Variants in ZNF827 observed in about 807,000 individuals in gnomAD.
ZNF827 encodes the protein zinc finger protein 827.
A neutral mutation model predicts 102.4 loss-of-function variants in ZNF827; 13 were observed. The observed-to-expected ratio is 0.13, with a 90% CI of 0.08 to 0.20. The LOEUF (loss-of-function observed/expected upper bound fraction) is 0.20. Among genes scored for constraint, ZNF827 ranks in the 10% least tolerant of loss-of-function variants. The pLI is 1.00. For missense variants in ZNF827, 1,103 were observed against 1,344.4 expected (o/e 0.82, Z 2.81); for synonymous variants, 523 against 536.2 (o/e 0.98, Z 0.34).
chr4:145,765,755 T>G lies in ZNF827; in HGVS notation c.2861-17A>C. The G allele has an allele frequency of 6.2e-7, 1 of 1,610,010 alleles. No homozygotes were observed. The highest frequency in any genetic ancestry group is 8.5e-7 in the Non-Finnish European group (1 of 1,177,818). On this transcript the variant is annotated splice_polypyrimidine_tract_variant and intron_variant, in intron 11 of 14. Coordinates refer to ENST00000508784, the MANE Select transcript of ZNF827 (RefSeq NM_001306215.2). This position sits in a 1 kb window ranked among gnomAD's most constrained non-coding sequence, Gnocchi z 4.7. The stretch of plus-strand genomic sequence containing the variant: ...TGTCTTCCCCTGAAAAATAAGCAAA[T>G]AACCCAGTCTGTTAATGAGATGAAA...
chr4:145,769,964 T>C (rs75073779), intron 11 of ZNF827, among the ~76,000 whole-genome samples: 3,898 of 152,306 alleles, frequency 0.026, 97 homozygotes, highest in African/African-American at 0.064. Flanking sequence ...AAGTAAGCAC[T>C]TCTACTTTTA....
chr4:145,774,782 C>G (rs1736800803), intron 10 of ZNF827, 110 bp from the exon 11 acceptor site: 13 of 1,227,462 alleles, frequency 1.1e-5, no homozygotes, highest in Middle Eastern at 1.9e-4. Flanking sequence ...GAATTTGAAA[C>G]ACATTTGTCT....
At chr4:145,768,888 A>AAAT (rs1735762521) in intron 11 of ZNF827, among the ~76,000 whole-genome samples, 1 of 12,552 alleles carries the variant, frequency 8.0e-5, no homozygotes, top group Admixed American at 7.9e-4. Context: ...AAAAAAAAAA[A>AAAT]AAATATATAT....
Position 145,775,934 on chromosome 4 carries a change from A to G in ZNF827, c.2548T>C (p.Cys850Arg). ...TEERKYKCHL[C>R]PYAAKCRANL... ...GCACGGCACTTAGCAGCATAGGGGC[A>G]CAAGTGGCATTTGTATTTTCTTTCC... The change falls in exon 10 of 15, where the codon TGC (cysteine) becomes CGC (arginine). Residue 850 changes from cysteine (C) to arginine (R), a missense_variant. Physicochemically the swap from Cys to Arg is radical, Grantham distance 180. Transcript: ENST00000508784. 6.2e-7 allele frequency: 1 copy of G among 1,614,220 alleles called. No individual in the cohort carries two copies. Among genetic ancestry groups the G allele is most frequent in the East Asian group, 2.2e-5 (1 of 44,890 alleles).
intron 8 of ZNF827, among the ~76,000 whole-genome samples, chr4:145,791,422 G>T (rs1042083893): frequency 6.6e-6 from 1 of 152,134 alleles, no homozygotes; most frequent in African/African-American, 2.4e-5. Context: ...TTGAAATGGG[G>T]GGACATAAAC....
intron 7 of ZNF827, among the ~76,000 whole-genome samples, chr4:145,829,341 A>C (rs895579389): frequency 1.3e-5 from 2 of 152,228 alleles, no homozygotes; most frequent in Non-Finnish European, 2.9e-5. Flanking sequence ...ATCATCCTAA[A>C]GTGACAGTCT....
At chr4:145,808,604 T>C (rs1464618289) in intron 8 of ZNF827, among the ~76,000 whole-genome samples, 4 of 152,170 alleles carry the variant, frequency 2.6e-5, no homozygotes, top group African/African-American at 7.2e-5. Flanking sequence ...AGGTAGTAGG[T>C]ACAGATAAAC....
chr4:145,906,394 C>CTA (rs1751874166), intron 1 of ZNF827, among the ~76,000 whole-genome samples: 1 of 152,200 alleles, frequency 6.6e-6, no homozygotes, highest in African/African-American at 2.4e-5. Context: ...TTCCTGTACT[C>CTA]TAATCTCTTC....
chr4:145,810,173 TG>T (rs1351946222), intron 8 of ZNF827, among the ~76,000 whole-genome samples: 9 of 152,364 alleles, frequency 5.9e-5, no homozygotes, highest in Admixed American at 3.3e-4. Context: ...TTACAAATCA[TG>T]GAATCATACC....
At chr4:145,773,345 C>T (rs940951707) in intron 11 of ZNF827, among the ~76,000 whole-genome samples, 1 of 152,150 alleles carries the variant, frequency 6.6e-6, no homozygotes, top group South Asian at 2.1e-4. Flanking sequence ...AATTTACTGA[C>T]AAAAACAAGC....
chr4:145,864,055 G>A (rs944343132), intron 5 of ZNF827, among the ~76,000 whole-genome samples: 4 of 151,746 alleles, frequency 2.6e-5, no homozygotes, highest in African/African-American at 4.8e-5. Context: ...TCAGCCGGGC[G>A]CAGTGGCAGG....
chr4:145,849,695 G>T (rs898352323), intron 5 of ZNF827, 134 bp from the exon 6 acceptor site: 2 of 1,368,682 alleles, frequency 1.5e-6, no homozygotes, highest in African/African-American at 2.9e-5. Context: ...CGGCACACTG[G>T]ACCATAGTTT....
rs751746782 is a variant in ZNF827, at chr4:145,902,567, G to C, written c.692C>G (p.Thr231Ser). The change falls in exon 2 of 15, where the codon ACT becomes AGT. Residue 231 changes from threonine to serine, a missense_variant. By Grantham distance (58) the Thr-to-Ser change is moderately conservative (BLOSUM62 1). This residue lies in a region of ZNF827 where 441 missense variants were observed against 458.6 expected (regional missense o/e 0.96). Coordinates refer to ENST00000508784, the MANE Select transcript of ZNF827 (RefSeq NM_001306215.2). This position sits in a 1 kb window ranked among gnomAD's most constrained non-coding sequence, Gnocchi z 4.3. ...GGACTCAAATCGCATGGTCTCCTCA[G>C]TCCTGGTGAGAGATTTGTCCTGCAG... ...AVLQDKSLTRTEETMRFESFS... is the reference protein window; with the variant it reads ...AVLQDKSLTRSEETMRFESFS... The C allele has an allele frequency of 6.2e-7, 1 of 1,614,010 alleles. No homozygotes were observed. The highest frequency in any genetic ancestry group is 2.2e-5 in the East Asian group (1 of 44,884).
intron 2 of ZNF827, among the ~76,000 whole-genome samples, chr4:145,896,907 T>C (rs147321386): frequency 7.9e-5 from 12 of 152,320 alleles, no homozygotes; most frequent in African/African-American, 2.9e-4. Flanking sequence ...GGAGGTTTGA[T>C]AGTGAATTTT....
chr4:145,820,760 G>A (rs1277857687), intron 8 of ZNF827, among the ~76,000 whole-genome samples: 1 of 152,174 alleles, frequency 6.6e-6, no homozygotes, highest in East Asian at 1.9e-4. Flanking sequence ...CTAGGCTCCT[G>A]TCATTTGCCC....
intron 4 of ZNF827, among the ~76,000 whole-genome samples, chr4:145,879,878 A>C (rs895408636): frequency 1.3e-5 from 2 of 152,170 alleles, no homozygotes; most frequent in Non-Finnish European, 2.9e-5. Flanking sequence ...TTCTTTCTGT[A>C]ATTTGTGGGT....
chr4:145,886,391 C>A (rs115270394), intron 3 of ZNF827, among the ~76,000 whole-genome samples: 2 of 152,106 alleles, frequency 1.3e-5, no homozygotes, highest in Non-Finnish European at 2.9e-5. Flanking sequence ...AGGATGCAGC[C>A]GGCCAACGGA....
intron 10 of ZNF827, among the ~76,000 whole-genome samples, chr4:145,775,232 G>C (rs1736878634): frequency 1.3e-5 from 2 of 152,130 alleles, no homozygotes; most frequent in Non-Finnish European, 2.9e-5. Context: ...CCACCAATCA[G>C]TATGGCAACT....
chr4:145,832,291 C>CAA (rs1744293082), intron 7 of ZNF827: 1 of 125,036 alleles, frequency 8.0e-6, no homozygotes, highest in Non-Finnish European at 1.6e-5. Context: ...AAACAAAAAA[C>CAA]AAAACAAAAC....
Sources: gnomAD v4.1 joint callset for allele counts (sites outside exome capture counted in the v4.1 genomes callset) on GRCh38, gnomAD v4.1.1 for gene constraint, gnomAD v4.1.1 regional missense constraint, Gnocchi (gnomAD v3.1) non-coding constraint, MANE v1.5 for transcripts, NCBI Gene and HGNC (gene_info 2026-07-23, HGNC 2026-07-21) for gene names.